The following PCDHAC2 variants were observed in gnomAD, a reference collection of about 807,000 sequenced individuals.
PCDHAC2 encodes protocadherin alpha-C2.
Under a neutral mutation model 63.3 loss-of-function variants are expected in PCDHAC2, and 24 were observed. The ratio of observed to expected loss-of-function variants is 0.38; its 90% confidence interval spans 0.27 to 0.53. The LOEUF (loss-of-function observed/expected upper bound fraction) is 0.53, where lower values mean the gene tolerates loss of function less well. Ranked by LOEUF, PCDHAC2 falls within the 20% of genes least tolerant of loss-of-function variation. The pLI, the probability that PCDHAC2 is intolerant of heterozygous loss-of-function variation, is 0.81. For synonymous variants in PCDHAC2, 569 were observed against 529.4 expected, an observed-to-expected ratio of 1.07 and a Z score of -1.03; for missense variants, 1,181 against 1,275.2, an observed-to-expected ratio of 0.93 and a Z score of 1.12.
At chr5:141,005,442 G>A (rs529691807) in intron 3 of PCDHAC2, among the ~76,000 whole-genome samples, 39 of 152,092 alleles carry the variant, frequency 2.6e-4, no homozygotes, top group Middle Eastern at 3.4e-3. Context: ...AGAGGCTCAC[G>A]CCTGTAATCC....
At chr5:140,998,049 ACAT>A (rs782468760) in intron 3 of PCDHAC2, among the ~76,000 whole-genome samples, 4 of 152,194 alleles carry the variant, frequency 2.6e-5, no homozygotes, top group Admixed American at 6.5e-5. Flanking sequence ...TAACTCAGTG[ACAT>A]CATCATCAAC....
In PCDHAC2 at chr5:140,969,167, T is replaced by G. The variant is rs1554231527; in HGVS notation, c.2401T>G (p.Ser801Ala). ...YCYKACLTAG[S>A]GSDTFMFYNT... ...CTACAAGGCCTGTCTGACAGCAGGC[T>G]CAGGGAGTGACACTTTCATGTTTTA... Residue 801 changes from serine to alanine, a missense_variant, in exon 1 of 4, where the codon TCA (serine) becomes GCA (alanine). By Grantham distance (99) the Ser-to-Ala change is moderately conservative. Around this residue, in one of 3 missense-constraint regions of PCDHAC2, gnomAD observed 968 missense variants for 1,073.5 expected, o/e 0.90. Coordinates refer to ENST00000289269, the MANE Select transcript of PCDHAC2 (RefSeq NM_018899.6). 6.2e-7 allele frequency: 1 copy of G among 1,613,668 alleles called. No homozygotes were observed.
intron 1 of PCDHAC2, among the ~76,000 whole-genome samples, chr5:140,976,067 T>C (rs1554237245): frequency 6.6e-6 from 1 of 152,218 alleles, no homozygotes; most frequent in Non-Finnish European, 1.5e-5. Flanking sequence ...ATATATGTCT[T>C]ACTGTGTCAG....
Position 140,968,579 on chromosome 5 carries a change from A to G in PCDHAC2, c.1813A>G (p.Thr605Ala), listed in dbSNP as rs1554230883. The change falls in exon 1 of 4, where the codon ACC becomes GCC. Residue 605 changes from threonine to alanine, a missense_variant. Physicochemically the swap from Thr to Ala is moderately conservative, Grantham distance 58. Around this residue, in one of 3 missense-constraint regions of PCDHAC2, gnomAD observed 968 missense variants for 1,073.5 expected, o/e 0.90. Coordinates refer to ENST00000289269, the MANE Select transcript of PCDHAC2 (RefSeq NM_018899.6). ...AACTGCCCCTGCTGGCTACCTGGTCACCAAAGTCATAGCTATGGACTCAGA... is the reference window on the plus strand; with the variant it reads ...AACTGCCCCTGCTGGCTACCTGGTCGCCAAAGTCATAGCTATGGACTCAGA... ...PRTAPAGYLV[T>A]KVIAMDSDSG... 6 of 1,614,182 alleles carry G rather than the reference A, an allele frequency of 3.7e-6. No homozygotes were observed. The highest frequency in any genetic ancestry group is 5.1e-6 in the Non-Finnish European group (6 of 1,180,042).
At position 141,010,198 on chromosome 5, in the gene PCDHAC2, C is replaced by T; in HGVS notation, c.*261C>T. ...AAAGCAGACCCAAGTTTCCTTTCTC[C>T]TCCGCCGCAAAGGAGAGGCTTCCCA... On this transcript the variant is annotated 3_prime_UTR_variant, in exon 4 of 4. Transcript: ENST00000289269. The T allele has an allele frequency of 6.4e-7, 1 of 1,552,138 alleles. No homozygotes were observed. The highest frequency in any genetic ancestry group is 1.4e-5 in the African/African-American group (1 of 73,154).
At chr5:141,006,363 C>A (rs2098270160) in intron 3 of PCDHAC2, among the ~76,000 whole-genome samples, 1 of 152,080 alleles carries the variant, frequency 6.6e-6, no homozygotes, top group Non-Finnish European at 1.5e-5. Context: ...AGGCGCCCAC[C>A]ACCACGCCCG....
chr5:140,977,899 C>A (rs1193855952), intron 1 of PCDHAC2, among the ~76,000 whole-genome samples: 1 of 152,124 alleles, frequency 6.6e-6, no homozygotes, highest in East Asian at 1.9e-4. Context: ...CAAAATACAA[C>A]TTTTATCCCC....
chr5:140,979,147 C>A (rs2096836802), intron 2 of PCDHAC2, 140 bp downstream of exon 2: 2 of 1,442,248 alleles, frequency 1.4e-6, no homozygotes, highest in African/African-American at 2.9e-5. Flanking sequence ...ATTATTTTGT[C>A]CCCATGTTTA....
chr5:140,991,086 T>C (rs2097431989), intron 3 of PCDHAC2, among the ~76,000 whole-genome samples: 1 of 152,206 alleles, frequency 6.6e-6, no homozygotes, highest in African/African-American at 2.4e-5. Context: ...ATAAAAAAAT[T>C]AAAGCTCATA....
chr5:141,009,290 A>G (rs1372878338), intron 3 of PCDHAC2, among the ~76,000 whole-genome samples: 1 of 152,118 alleles, frequency 6.6e-6, no homozygotes, highest in Non-Finnish European at 1.5e-5. Context: ...TCCCATTTCT[A>G]TAAAATTTTT....
At position 140,968,035 on chromosome 5, in the gene PCDHAC2, G is replaced by A; in HGVS notation, c.1269G>A (p.Val423=). The stretch of plus-strand genomic sequence containing the variant: ...TTGGAAACTCCTATACACTGGTGGT[G>A]AGCGGCCCACTGGACCGAGAGCGGG... The part of the protein sequence containing the change: ...NGFGNSYTLV[V]SGPLDRERVA... Residue 423 remains valine, a synonymous_variant, in exon 1 of 4, where the codon GTG becomes GTA. Transcript: ENST00000289269. 1 of 1,614,184 alleles carries A rather than the reference G, an allele frequency of 6.2e-7. No homozygotes were observed. The highest frequency in any genetic ancestry group is 1.1e-5 in the South Asian group (1 of 91,080).
In PCDHAC2 at chr5:140,966,999, G is replaced by A. The variant is rs782081862; in HGVS notation, c.233G>A (p.Arg78His). 115 of 1,604,458 alleles carry A rather than the reference G, an allele frequency of 7.2e-5. No homozygotes were observed. The highest frequency in any genetic ancestry group is 8.8e-5 in the Non-Finnish European group (104 of 1,177,324). ...ELRRLGPGCL[R>H]INHLGAPSPR... ...CGGCGCTTGGGGCCGGGTTGCTTGC[G>A]CATCAACCATCTGGGTGCGCCCAGT... Residue 78 changes from arginine (R) to histidine (H), a missense_variant, in exon 1 of 4, where the codon CGC (arginine) becomes CAC (histidine). Transcript: ENST00000289269.
At chr5:140,974,647 G>GATT (rs2096635431) in intron 1 of PCDHAC2, among the ~76,000 whole-genome samples, 1 of 152,068 alleles carries the variant, frequency 6.6e-6, no homozygotes, top group African/African-American at 2.4e-5. Context: ...GAGTAGCTGA[G>GATT]ATTACAGGCA....
At chr5:141,007,395 C>CAAAAAAAAAAAAAAAAA (rs35800918) in intron 3 of PCDHAC2, among the ~76,000 whole-genome samples, 5 of 94,868 alleles carry the variant, frequency 5.3e-5, no homozygotes, top group Non-Finnish European at 8.3e-5. Context: ...TACTAAAATA[C>CAAAAAAAAAAAAAAAAA]AAAAAAAAAA....
chr5:140,968,684 G>A lies in PCDHAC2; in HGVS notation c.1918G>A (p.Gly640Arg). ...LDLFKVELHT[G>R]EIRTTRKMGD... ...CCTCTTTAAGGTAGAGCTGCACACA[G>A]GAGAAATTAGGACTACCAGGAAGAT... The change falls in exon 1 of 4, where the codon GGA (glycine) becomes AGA (arginine). Residue 640 changes from glycine to arginine, a missense_variant. Physicochemically the swap from Gly to Arg is moderately radical, Grantham distance 125. Around this residue, in one of 3 missense-constraint regions of PCDHAC2, gnomAD observed 968 missense variants for 1,073.5 expected, o/e 0.90. Coordinates refer to ENST00000289269, the MANE Select transcript of PCDHAC2 (RefSeq NM_018899.6). The A allele has an allele frequency of 6.2e-7, 1 of 1,614,140 alleles. No homozygotes were observed. The highest frequency in any genetic ancestry group is 8.5e-7 in the Non-Finnish European group (1 of 1,180,024).
chr5:140,980,030 C>T (rs552658283), intron 2 of PCDHAC2, among the ~76,000 whole-genome samples: 29 of 152,292 alleles, frequency 1.9e-4, no homozygotes, highest in Admixed American at 4.6e-4. Flanking sequence ...GAAATCATTA[C>T]ATTGGGTGCT....
rs782498682 is a variant in PCDHAC2, at chr5:140,969,161, G to A, written c.2395G>A (p.Ala799Thr). ...CTACTGCTACAAGGCCTGTCTGACA[G>A]CAGGCTCAGGGAGTGACACTTTCAT... The part of the protein sequence containing the change: ...KTYCYKACLT[A>T]GSGSDTFMFY... The change falls in exon 1 of 4, where the codon GCA becomes ACA. Residue 799 changes from alanine to threonine, a missense_variant. By Grantham distance (58) the Ala-to-Thr change is moderately conservative (BLOSUM62 0). Transcript: ENST00000289269. 1 of 1,614,156 alleles carries A rather than the reference G, an allele frequency of 6.2e-7. No individual in the cohort carries two copies. Among genetic ancestry groups the A allele is most frequent in the South Asian group, 1.1e-5 (1 of 91,078 alleles).
intron 3 of PCDHAC2, among the ~76,000 whole-genome samples, chr5:140,987,213 CAA>C (rs58319157): frequency 9.3e-5 from 11 of 118,826 alleles, no homozygotes; most frequent in African/African-American, 1.6e-4. Flanking sequence ...GACTCCATCT[CAA>C]AAAAAAAAAA....
At position 140,968,151 on chromosome 5, in the gene PCDHAC2, T is replaced by C; in HGVS notation, c.1385T>C (p.Ile462Thr). The stretch of plus-strand genomic sequence containing the variant: ...ACACTGAAGGTTGAGATCTCTGACA[T>C]CAATGACAATCCACCAAGCTTCCTG... Reference protein sequence around the residue: ...LRTLKVEISDINDNPPSFLED... With the variant: ...LRTLKVEISDTNDNPPSFLED... The change falls in exon 1 of 4, where the codon ATC becomes ACC. Residue 462 changes from isoleucine to threonine, a missense_variant. Coordinates refer to ENST00000289269, the MANE Select transcript of PCDHAC2 (RefSeq NM_018899.6). The C allele has an allele frequency of 6.2e-7, 1 of 1,614,134 alleles. No homozygotes were observed. The highest frequency in any genetic ancestry group is 8.5e-7 in the Non-Finnish European group (1 of 1,180,038).
Sources: gnomAD v4.1 joint callset for allele counts (sites outside exome capture counted in the v4.1 genomes callset) on GRCh38, gnomAD v4.1.1 for gene constraint, gnomAD v4.1.1 regional missense constraint, MANE v1.5 for transcripts, NCBI Gene and HGNC (gene_info 2026-07-23, HGNC 2026-07-21) for gene names.